NRXN3: variants seen among roughly 807,000 people sequenced by gnomAD.
The protein encoded by NRXN3 is neurexin III.
NRXN3 carries 32 observed loss-of-function variants against 137.6 expected under a neutral mutation model. The observed-to-expected ratio is 0.23, with a 90% CI of 0.18 to 0.31. NRXN3 has a LOEUF of 0.31. Ranked by LOEUF, NRXN3 falls within the 10% of genes least tolerant of loss-of-function variation. NRXN3 has a pLI of 1.00. For missense variants in NRXN3, 1,574 were observed against 2,062.5 expected, an observed-to-expected ratio of 0.76 and a Z score of 4.59; for synonymous variants, 798 against 784.5, an observed-to-expected ratio of 1.02 and a Z score of -0.29.
chr14:79,202,149 G>A (rs1206175083), intron 15 of NRXN3, among the ~76,000 whole-genome samples: 1 of 151,454 alleles, frequency 6.6e-6, no homozygotes, highest in South Asian at 2.1e-4. Flanking sequence ...ATAAACAAGA[G>A]TCACAGAAAT....
intron 16 of NRXN3, among the ~76,000 whole-genome samples, chr14:79,517,712 A>G (rs975506024): frequency 6.6e-6 from 1 of 151,972 alleles, no homozygotes; most frequent in Non-Finnish European, 1.5e-5. Context: ...CTATGTTTCT[A>G]TAAGTCATCA....
intron 4 of NRXN3, among the ~76,000 whole-genome samples, chr14:78,630,887 G>A (rs61976112): frequency 0.05 from 7,680 of 152,278 alleles, 260 homozygotes; most frequent in Middle Eastern, 0.15. Context: ...TTACAGACGT[G>A]AGCCGCTGCA....
intron 16 of NRXN3, among the ~76,000 whole-genome samples, chr14:79,552,442 T>G (rs1436612429): frequency 6.6e-6 from 1 of 152,166 alleles, no homozygotes; most frequent in Non-Finnish European, 1.5e-5. Context: ...ACAAAGTGGC[T>G]AATAGGGTGT....
At chr14:78,614,038 C>T (rs116115021) in intron 4 of NRXN3, among the ~76,000 whole-genome samples, 1,575 of 152,226 alleles carry the variant, frequency 0.01, 32 homozygotes, top group African/African-American at 0.036. Context: ...TTATCTAGTT[C>T]AGGGCTGCTC....
At chr14:78,775,669 CTAAT>C (rs2098742673) in intron 8 of NRXN3, among the ~76,000 whole-genome samples, 1 of 152,154 alleles carries the variant, frequency 6.6e-6, no homozygotes, top group African/African-American at 2.4e-5. Context: ...TGGAAAATAA[CTAAT>C]TGTGGGTTAT....
intron 6 of NRXN3, among the ~76,000 whole-genome samples, chr14:78,707,635 C>A (rs8022743): frequency 0.99 from 151,295 of 152,278 alleles, 75,169 homozygotes; most frequent in Middle Eastern, 1. Context: ...GTTATTTGTG[C>A]GATTTTGGTG....
chr14:79,506,184 G>C (rs951127715), intron 16 of NRXN3, among the ~76,000 whole-genome samples: 5 of 152,136 alleles, frequency 3.3e-5, no homozygotes, highest in Admixed American at 1.3e-4. Context: ...GCAAATTACA[G>C]GTCTCATATA....
chr14:78,856,562 T>TTA (rs909587327), intron 10 of NRXN3, among the ~76,000 whole-genome samples: 4 of 152,156 alleles, frequency 2.6e-5, no homozygotes, highest in African/African-American at 9.7e-5. Flanking sequence ...TTGTCTCTTC[T>TTA]TATACGTTTT....
chr14:79,279,236 C>A (rs919964469), intron 15 of NRXN3: 1 of 506,852 alleles, frequency 2.0e-6, no homozygotes, highest in Admixed American at 6.4e-5. Context: ...TGGGAAGGGC[C>A]GGGATTCCGG....
intron 4 of NRXN3, among the ~76,000 whole-genome samples, chr14:78,365,220 A>ATAT (rs981192113): frequency 3.2e-4 from 48 of 152,286 alleles, no homozygotes; most frequent in African/African-American, 1.0e-3. Flanking sequence ...TAGGTCATAT[A>ATAT]TATATATAAT....
chr14:79,432,275 C>T (rs927937068), intron 15 of NRXN3, among the ~76,000 whole-genome samples: 5 of 152,100 alleles, frequency 3.3e-5, no homozygotes, highest in African/African-American at 1.2e-4. Context: ...AATAATCTTT[C>T]CTACTTCACC....
intron 15 of NRXN3, among the ~76,000 whole-genome samples, chr14:79,249,223 G>GA (rs1054366945): frequency 1.3e-5 from 2 of 152,052 alleles, no homozygotes; most frequent in African/African-American, 4.8e-5. Flanking sequence ...AAAGAAAAGA[G>GA]AAAAAATACA....
intron 4 of NRXN3, among the ~76,000 whole-genome samples, chr14:78,462,985 T>A (rs1286425658): frequency 6.6e-6 from 1 of 152,156 alleles, no homozygotes; most frequent in Non-Finnish European, 1.5e-5. Flanking sequence ...GTAATTTTTA[T>A]CCCTCATCCC....
intron 4 of NRXN3, among the ~76,000 whole-genome samples, chr14:78,354,912 C>T (rs2084049298): frequency 6.6e-6 from 1 of 152,142 alleles, no homozygotes; most frequent in Admixed American, 6.5e-5. Context: ...GGAATCTGTT[C>T]TCCAGGTTGA....
At chr14:79,239,561 A>G (rs1385570452) in intron 15 of NRXN3, among the ~76,000 whole-genome samples, 1 of 152,164 alleles carries the variant, frequency 6.6e-6, no homozygotes, top group Non-Finnish European at 1.5e-5. Flanking sequence ...AAAGATTAAG[A>G]AAAAATATCT....
intron 4 of NRXN3, among the ~76,000 whole-genome samples, chr14:78,571,349 T>C (rs1254147288): frequency 6.6e-6 from 1 of 152,020 alleles, no homozygotes; most frequent in Non-Finnish European, 1.5e-5. Flanking sequence ...CCTGGCCATA[T>C]CTAATGACTG....
chr14:79,129,627 TGTG>T (rs1363342264), intron 15 of NRXN3, among the ~76,000 whole-genome samples: 3 of 135,378 alleles, frequency 2.2e-5, no homozygotes, highest in Admixed American at 1.5e-4. Context: ...ATAGGTGTGG[TGTG>T]GTGCTGAAAA....
At chr14:79,080,376 C>T (rs1033891629) in intron 15 of NRXN3, among the ~76,000 whole-genome samples, 1 of 152,176 alleles carries the variant, frequency 6.6e-6, no homozygotes, top group African/African-American at 2.4e-5. Flanking sequence ...TCTAAATAAA[C>T]TATTTTGTTT....
intron 4 of NRXN3, among the ~76,000 whole-genome samples, chr14:78,564,266 T>A (rs1187942937): frequency 2.6e-5 from 4 of 152,222 alleles, no homozygotes; most frequent in Non-Finnish European, 5.9e-5. Flanking sequence ...CGCCCTCTTT[T>A]GTCCCCCTCC....
Sources: gnomAD v4.1 joint callset for allele counts (sites outside exome capture counted in the v4.1 genomes callset) on GRCh38, gnomAD v4.1.1 for gene constraint, MANE v1.5 for transcripts, NCBI Gene and HGNC (gene_info 2026-07-23, HGNC 2026-07-21) for gene names.